Variants in ZNF280D observed in about 807,000 individuals in gnomAD.
The protein encoded by ZNF280D is suppressor of hairy wing homolog 4.
Under a neutral mutation model 94.7 loss-of-function variants are expected in ZNF280D, and 39 were observed. The observed-to-expected ratio is 0.41, with a 90% CI of 0.32 to 0.54. ZNF280D has a LOEUF of 0.54. Ranked by LOEUF, ZNF280D falls within the 20% of genes least tolerant of loss-of-function variation. The pLI is 0.22. For synonymous variants in ZNF280D, 398 were observed against 377.6 expected (o/e 1.05, Z -0.63); for missense variants, 1,090 against 1,149.3 (o/e 0.95, Z 0.75).
chr15:56,700,586 T>C (rs747309993), intron 6 of ZNF280D: 37 of 1,141,696 alleles, frequency 3.2e-5, no homozygotes, highest in Non-Finnish European at 3.9e-5. Context: ...CACTTGACTG[T>C]TTTCCCAATT....
intron 1 of ZNF280D, among the ~76,000 whole-genome samples, chr15:56,726,751 A>G (rs1463064975): frequency 6.6e-6 from 1 of 152,244 alleles, no homozygotes; most frequent in Non-Finnish European, 1.5e-5. Context: ...TTGCAAAAAT[A>G]TTGCATCAAT....
At position 56,653,731 on chromosome 15, in the gene ZNF280D, T is replaced by C. The variant is rs1380581916; in HGVS notation, c.2213+467A>G. On this transcript the variant is annotated intron_variant, in intron 19 of 21. Coordinates refer to ENST00000267807, the MANE Select transcript of ZNF280D (RefSeq NM_017661.4). ...ACAAAAGACAAACAGCCATATAATTTGGAATCTATTATTCTGAAGGCAAGT... is the reference window on the plus strand; with the variant it reads ...ACAAAAGACAAACAGCCATATAATTCGGAATCTATTATTCTGAAGGCAAGT... 2.3e-6 allele frequency: 3 copies of C among 1,312,950 alleles called. No individual in the cohort carries two copies. In the East Asian group the frequency reaches 8.9e-5, roughly 39 times the overall value. The allele number at this position is 1,312,950 out of a possible 1,614,324, so 81.3% of individuals were successfully genotyped here.
chr15:56,706,074 A>T (rs1397108903), intron 3 of ZNF280D, among the ~76,000 whole-genome samples: 1 of 139,796 alleles, frequency 7.2e-6, no homozygotes, highest in East Asian at 2.1e-4. Flanking sequence ...ACTAAATTAA[A>T]ATAAGGTTAG....
chr15:56,694,688 T>C (rs1330063034), intron 6 of ZNF280D, among the ~76,000 whole-genome samples: 1 of 152,148 alleles, frequency 6.6e-6, no homozygotes, highest in African/African-American at 2.4e-5. Context: ...CTCTTAAAAG[T>C]GTCAAGTTCA....
chr15:56,732,097 T>A (rs773540003), intron 1 of ZNF280D, among the ~76,000 whole-genome samples: 4 of 152,152 alleles, frequency 2.6e-5, no homozygotes, highest in Non-Finnish European at 4.4e-5. Flanking sequence ...TCTACCTCAT[T>A]CCCACAAAAA....
rs1398475343 is a variant in ZNF280D, at chr15:56,704,043, C to A, written c.175+78G>T. On this transcript the variant is annotated intron_variant, in intron 4 of 21. Transcript: ENST00000267807. ...TACAGTGGAACATGAACATCAACTA[C>A]CTATTAAACAGTTCACAAGTTTTTC... is the stretch of plus-strand genomic sequence containing the variant. 12 of 1,485,422 alleles carry A rather than the reference C, an allele frequency of 8.1e-6. No homozygotes were observed. The African/African-American group carries it at 1.7e-4, about 21-fold the overall frequency. 92.0% of individuals were successfully genotyped at this position (1,485,422 alleles called of 1,614,324 possible). A position where few individuals can be genotyped will look rare whatever the true frequency, so the allele number is the denominator to read the frequency against.
intron 19 of ZNF280D, chr15:56,653,065 G>A (rs1158812768): frequency 2.0e-6 from 2 of 979,260 alleles, no homozygotes; most frequent in Non-Finnish European, 2.4e-6. Flanking sequence ...AAAAATTACA[G>A]AATTAATACT....
At chr15:56,686,540 G>A (rs1248324956) in intron 9 of ZNF280D, among the ~76,000 whole-genome samples, 1 of 152,174 alleles carries the variant, frequency 6.6e-6, no homozygotes, top group Non-Finnish European at 1.5e-5. Context: ...GGTAATGAAA[G>A]CTGTGGACTG....
chr15:56,729,572 T>C (rs892459760), intron 1 of ZNF280D, among the ~76,000 whole-genome samples: 1 of 152,184 alleles, frequency 6.6e-6, no homozygotes, highest in African/African-American at 2.4e-5. Flanking sequence ...ATTCAAAAAG[T>C]GGGTCAGAAA....
chr15:56,710,259 C>T (rs2057683641), intron 1 of ZNF280D, among the ~76,000 whole-genome samples: 1 of 152,082 alleles, frequency 6.6e-6, no homozygotes, highest in Non-Finnish European at 1.5e-5. Context: ...CAAAAATTAG[C>T]TGGGCGTGGT....
chr15:56,653,666 A>C (rs2053347867), intron 19 of ZNF280D: 2 of 1,372,972 alleles, frequency 1.5e-6, no homozygotes, highest in Middle Eastern at 1.9e-4. Flanking sequence ...TCTGGCCTAA[A>C]ACTTAAGACG....
chr15:56,661,018 C>G (rs1488488840), intron 16 of ZNF280D, among the ~76,000 whole-genome samples: 1 of 151,454 alleles, frequency 6.6e-6, no homozygotes, highest in Non-Finnish European at 1.5e-5. Flanking sequence ...AATGAATGCC[C>G]AAAAAATATT....
In ZNF280D at chr15:56,689,130, G is replaced by T. The variant is rs753005074; in HGVS notation, c.691C>A (p.Gln231Lys). Residue 231 changes from glutamine to lysine, a missense_variant, in exon 9 of 22, where the codon CAG (glutamine) becomes AAG (lysine). Gln to Lys is a moderately conservative substitution (Grantham distance 53). Transcript: ENST00000267807. Reference protein sequence around the residue: ...LAKGTNTSSNQSKNGTPFPRA... With the variant: ...LAKGTNTSSNKSKNGTPFPRA... ...GGAAAAGGTGTTCCATTTTTAGACTGATTTGATGAGGTATTTGTACCTAAA... is the reference window on the plus strand; with the variant it reads ...GGAAAAGGTGTTCCATTTTTAGACTTATTTGATGAGGTATTTGTACCTAAA... The T allele has an allele frequency of 1.9e-5, 30 of 1,608,870 alleles. 1 individual carries two copies. In the South Asian group the frequency reaches 2.8e-4, roughly 15 times the overall value.
chr15:56,689,369 T>G lies in ZNF280D; in HGVS notation c.601A>C (p.Asn201His). 1 of 1,610,042 alleles carries G rather than the reference T, an allele frequency of 6.2e-7. No individual in the cohort carries two copies. Among genetic ancestry groups the G allele is most frequent in the Non-Finnish European group, 8.5e-7 (1 of 1,178,078 alleles). ...ACTGAAGGTAATACAGCTGAGGAAT[T>G]TGCTCCAGAAACACTTTCGCTGGGT... is the stretch of plus-strand genomic sequence containing the variant. ...PKPSESVSGA[N>H]SSAVLPSVKS... The change falls in exon 8 of 22, where the codon AAT becomes CAT. Residue 201 changes from asparagine (N) to histidine (H), a missense_variant. This residue lies in a region of ZNF280D where 386 missense variants were observed against 372.0 expected (regional missense o/e 1.04). Coordinates refer to ENST00000267807, the MANE Select transcript of ZNF280D (RefSeq NM_017661.4).
chr15:56,704,021 A>C (rs1323722946), intron 4 of ZNF280D, 100 bp downstream of exon 4: 10 of 1,294,428 alleles, frequency 7.7e-6, no homozygotes, highest in Admixed American at 2.4e-5. Flanking sequence ...TCCTCTTTAC[A>C]GTGGAACATG....
intron 1 of ZNF280D, among the ~76,000 whole-genome samples, chr15:56,713,885 A>T (rs1425371254): frequency 2.6e-5 from 4 of 152,190 alleles, no homozygotes; most frequent in African/African-American, 9.6e-5. Flanking sequence ...GCAGTGAATG[A>T]TGATACCTAC....
intron 6 of ZNF280D, among the ~76,000 whole-genome samples, chr15:56,695,650 C>T (rs1307692862): frequency 2.0e-5 from 3 of 151,646 alleles, no homozygotes; most frequent in Middle Eastern, 3.2e-3. Flanking sequence ...CTGCCTCAGC[C>T]TCCCGAGTAG....
At chr15:56,713,271 A>G (rs754312696) in intron 1 of ZNF280D, among the ~76,000 whole-genome samples, 6 of 152,218 alleles carry the variant, frequency 3.9e-5, no homozygotes, top group African/African-American at 1.2e-4. Flanking sequence ...TATACTCAAA[A>G]TAAGTATTGC....
At chr15:56,728,759 T>A (rs896659874) in intron 1 of ZNF280D, among the ~76,000 whole-genome samples, 36 of 152,220 alleles carry the variant, frequency 2.4e-4, no homozygotes, top group African/African-American at 8.2e-4. Flanking sequence ...GTGCATTCAT[T>A]ACTTCCAGTA....
Sources: allele counts gnomAD v4.1 joint callset (sites outside exome capture counted in the v4.1 genomes callset), GRCh38; gene constraint gnomAD v4.1.1; regional missense constraint gnomAD v4.1.1; transcripts MANE v1.5; gene names NCBI Gene and HGNC (gene_info 2026-07-23, HGNC 2026-07-21).